ZNF385D: variants seen among roughly 807,000 people sequenced by gnomAD.
The protein encoded by ZNF385D is zinc finger protein 385D, also known as zinc finger protein 659.
A neutral mutation model predicts 35.8 loss-of-function variants in ZNF385D; 15 were observed. The observed-to-expected ratio is 0.42, with a 90% CI of 0.28 to 0.64. The LOEUF is 0.64. ZNF385D is among the 30% of genes least tolerant of loss of function. ZNF385D has a pLI of 0.23. For synonymous variants in ZNF385D, 212 were observed against 186.8 expected (o/e 1.13, Z -1.10); for missense variants, 474 against 494.6 (o/e 0.96, Z 0.39).
intron 2 of ZNF385D, among the ~76,000 whole-genome samples, chr3:22,330,096 G>T (rs963560813): frequency 6.6e-6 from 1 of 152,026 alleles, no homozygotes; most frequent in Admixed American, 6.6e-5. Flanking sequence ...GCTAACTCTA[G>T]TATTTATTTC....
At chr3:21,852,386 T>C (rs1696436271) in intron 3 of ZNF385D, among the ~76,000 whole-genome samples, 1 of 151,874 alleles carries the variant, frequency 6.6e-6, no homozygotes, top group Non-Finnish European at 1.5e-5. Flanking sequence ...TCCTAGGTCT[T>C]AGTCATAAAA....
intron 3 of ZNF385D, among the ~76,000 whole-genome samples, chr3:21,882,418 A>G (rs1365208831): frequency 1.0e-5 from 1 of 95,862 alleles, no homozygotes; most frequent in African/African-American, 4.5e-5. Context: ...TTAAATTGAG[A>G]TATAAAACAT....
In ZNF385D at chr3:21,416,949, T is replaced by A. The variant is rs1700571817; in HGVS notation, c.*4265A>T. 2 of 152,216 alleles carry A rather than the reference T, an allele frequency of 1.3e-5. No homozygotes were observed. The highest frequency in any genetic ancestry group is 2.9e-5 in the Non-Finnish European group (2 of 67,994). The allele number at this position is 152,216 out of a possible 1,614,324, so 9.4% of individuals were successfully genotyped here. On this transcript the variant is annotated 3_prime_UTR_variant, in exon 8 of 8. Transcript: ENST00000281523. ...TTTTCAGGGTTGGTTTTGTTCAGAA[T>A]TTATTACATTCTTGACTGGGAAAAT...
At chr3:21,993,871 A>G (rs1001352452) in intron 3 of ZNF385D, among the ~76,000 whole-genome samples, 2 of 152,138 alleles carry the variant, frequency 1.3e-5, no homozygotes, top group Non-Finnish European at 2.9e-5. Flanking sequence ...AATGAGTAAC[A>G]TCTCCTTTTT....
chr3:22,357,242 A>G (rs1370606094), intron 2 of ZNF385D, among the ~76,000 whole-genome samples: 1 of 151,938 alleles, frequency 6.6e-6, no homozygotes, highest in African/African-American at 2.4e-5. Flanking sequence ...TTTAAGGGAG[A>G]AAATACAAAC....
At chr3:21,619,989 GT>G (rs2064957032) in intron 2 of ZNF385D, among the ~76,000 whole-genome samples, 1 of 152,098 alleles carries the variant, frequency 6.6e-6, no homozygotes, top group African/African-American at 2.4e-5. Context: ...ACAGCCCTCT[GT>G]TCTGGGTCCC....
chr3:21,900,794 T>C (rs897157110), intron 3 of ZNF385D, among the ~76,000 whole-genome samples: 1 of 152,206 alleles, frequency 6.6e-6, no homozygotes, highest in Non-Finnish European at 1.5e-5. Flanking sequence ...ACTTGGCACC[T>C]AGTAAAAGGT....
chr3:21,447,918 C>T (rs1489177883), intron 4 of ZNF385D, among the ~76,000 whole-genome samples: 2 of 152,044 alleles, frequency 1.3e-5, no homozygotes, highest in African/African-American at 4.8e-5. Context: ...AAAACAAGCT[C>T]CCACAATAAA....
chr3:21,509,606 A>T (rs1575076209), intron 4 of ZNF385D, among the ~76,000 whole-genome samples: 1 of 152,164 alleles, frequency 6.6e-6, no homozygotes, highest in African/African-American at 2.4e-5. Flanking sequence ...TGGTGGCACA[A>T]ACTTGGCTAT....
At chr3:21,834,235 C>T (rs868172080) in intron 3 of ZNF385D, among the ~76,000 whole-genome samples, 6 of 152,102 alleles carry the variant, frequency 3.9e-5, no homozygotes, top group African/African-American at 1.4e-4. Context: ...TATTCAAATA[C>T]CCACCCAGTC....
chr3:21,636,137 G>C (rs2065424688), intron 2 of ZNF385D, among the ~76,000 whole-genome samples: 1 of 151,562 alleles, frequency 6.6e-6, no homozygotes, highest in Admixed American at 6.6e-5. Context: ...CCTCCACACT[G>C]TTTTCCGTAG....
intron 3 of ZNF385D, among the ~76,000 whole-genome samples, chr3:22,048,734 T>C (rs1699163157): frequency 2.0e-5 from 3 of 152,298 alleles, no homozygotes; most frequent in East Asian, 1.9e-4. Flanking sequence ...TCTGGGTCTT[T>C]TGTGATTCCA....
intron 3 of ZNF385D, among the ~76,000 whole-genome samples, chr3:22,035,077 G>A (rs1698233414): frequency 1.3e-5 from 2 of 152,064 alleles, no homozygotes; most frequent in Admixed American, 6.6e-5. Context: ...GAAAATCACT[G>A]AACATTGAAT....
At chr3:22,086,895 G>C (rs983173471) in intron 3 of ZNF385D, among the ~76,000 whole-genome samples, 4 of 151,954 alleles carry the variant, frequency 2.6e-5, no homozygotes, top group Non-Finnish European at 4.4e-5. Flanking sequence ...AGAACACTTG[G>C]ACACAGGGTG....
chr3:22,120,907 T>G (rs1020883447), intron 3 of ZNF385D, among the ~76,000 whole-genome samples: 1 of 152,180 alleles, frequency 6.6e-6, no homozygotes, highest in Admixed American at 6.6e-5. Context: ...AAGAGAACTT[T>G]GAGACCATCT....
intron 3 of ZNF385D, among the ~76,000 whole-genome samples, chr3:21,820,189 T>C (rs2073341947): frequency 6.6e-6 from 1 of 151,834 alleles, no homozygotes; most frequent in Non-Finnish European, 1.5e-5. Flanking sequence ...GTTGGAACAT[T>C]TATACAGATT....
At chr3:21,849,135 C>A (rs777682735) in intron 3 of ZNF385D, among the ~76,000 whole-genome samples, 51 of 152,170 alleles carry the variant, frequency 3.4e-4, no homozygotes, top group Non-Finnish European at 6.5e-4. Flanking sequence ...ATGCATGTAA[C>A]TGTCACATCC....
intron 3 of ZNF385D, among the ~76,000 whole-genome samples, chr3:22,154,599 T>G (rs1458535526): frequency 6.6e-6 from 1 of 152,172 alleles, no homozygotes; most frequent in Non-Finnish European, 1.5e-5. Context: ...GTATGAGCCA[T>G]AAAGCTCCTT....
chr3:21,754,992 T>G (rs1392893014), upstream of ZNF385D, among the ~76,000 whole-genome samples: 1 of 152,218 alleles, frequency 6.6e-6, no homozygotes, highest in Admixed American at 6.5e-5. Context: ...AAATTGAATT[T>G]GTCCATGCTT....
Sources: allele counts gnomAD v4.1 joint callset (sites outside exome capture counted in the v4.1 genomes callset), GRCh38; gene constraint gnomAD v4.1.1; transcripts MANE v1.5; gene names NCBI Gene and HGNC (gene_info 2026-07-23, HGNC 2026-07-21).